Variants in GEN1 observed in about 807,000 individuals in gnomAD.
GEN1 encodes the protein flap endonuclease GEN homolog 1.
GEN1 carries 64 observed loss-of-function variants against 67.6 expected under a neutral mutation model. That is an observed-to-expected ratio of 0.95 (90% confidence interval 0.77 to 1.17). GEN1 has a LOEUF of 1.17. Ranked by LOEUF, GEN1 falls within the 50% of genes most tolerant of loss-of-function variation. The probability of loss-of-function intolerance (pLI) is 0.00; values close to 1 mark genes in which losing one functional copy is unlikely to be tolerated. For synonymous variants in GEN1, 371 were observed against 359.4 expected (o/e 1.03, Z -0.37); for missense variants, 1,058 against 1,048.3 (o/e 1.01, Z -0.13).
chr2:17,758,725 A>G (rs1208907201), intron 1 of GEN1, among the ~76,000 whole-genome samples: 1 of 152,150 alleles, frequency 6.6e-6, no homozygotes, highest in African/African-American at 2.4e-5. Context: ...GTGGTGGCTC[A>G]TGCCTGTAAT....
At position 17,780,028 on chromosome 2, in the gene GEN1, A is replaced by G. The variant is rs1672750674; in HGVS notation, c.1315A>G (p.Ile439Val). ...ACATGGAGAATTTGCTTTATTAACA[A>G]TTGAGGAAGAATCATTGTTTGAAGC... ...KQHGEFALLT[I>V]EEESLFEAAY... is the part of the protein sequence containing the mutation. The change falls in exon 13 of 14, where the codon ATT becomes GTT. Residue 439 changes from isoleucine to valine, a missense_variant. Physicochemically the swap from Ile to Val is conservative, Grantham distance 29. Coordinates refer to ENST00000381254, the MANE Select transcript of GEN1 (RefSeq NM_001130009.3). 6 of 1,603,638 alleles carry G rather than the reference A, an allele frequency of 3.7e-6. No homozygotes were observed. Among genetic ancestry groups the G allele is most frequent in the South Asian group, 2.2e-5 (2 of 90,840 alleles).
In GEN1 at chr2:17,761,959, A is replaced by G. The variant is rs373829570; in HGVS notation, c.348+377A>G. Among the ~76,000 whole-genome samples, 13 of 152,320 alleles carry G rather than the reference A, an allele frequency of 8.5e-5. No individual in the cohort carries two copies. In the South Asian group the frequency reaches 1.7e-3, roughly 19 times the overall value. ...AGGACTTAAAGAAGTCCCAGAATAC[A>G]TGAGATCTCATTAATTCGTACTTCA... On this transcript the variant is annotated intron_variant, in intron 3 of 13. Transcript: ENST00000381254.
At chr2:17,766,827 C>G (rs191359346) in intron 5 of GEN1, 138 bp downstream of exon 5, 20 of 535,346 alleles carry the variant, frequency 3.7e-5, no homozygotes, top group Middle Eastern at 3.5e-4. Context: ...ATAAGCTATT[C>G]AGTGACTAAA....
chr2:17,773,157 T>A (rs1672272331), intron 9 of GEN1, 25 bp downstream of exon 9: 1 of 1,561,882 alleles, frequency 6.4e-7, no homozygotes, highest in African/African-American at 1.4e-5. Flanking sequence ...TTCAACTCTA[T>A]TAATTTTAGA....
In GEN1 at chr2:17,778,350, G is replaced by A. The variant is rs367895732; in HGVS notation, c.1264+287G>A. On this transcript the variant is annotated intron_variant, in intron 12 of 13. Transcript: ENST00000381254. ...TGTACATATATGTATACACACACAT[G>A]TGTGTACATATATGTATATACACAC... is the stretch of plus-strand genomic sequence containing the variant. Among the ~76,000 whole-genome samples, 178 of 33,534 alleles carry A rather than the reference G, an allele frequency of 5.3e-3. 57 individuals are homozygous for A. Among genetic ancestry groups the A allele is most frequent in the Non-Finnish European group, 6.0e-3 (106 of 17,534 alleles). The allele number at this position is 33,534 out of a possible 152,430, so 22.0% of individuals were successfully genotyped here. A position where few individuals can be genotyped will look rare whatever the true frequency, so the allele number is the denominator to read the frequency against.
At position 17,772,697 on chromosome 2, in the gene GEN1, C is replaced by T; in HGVS notation, c.866C>T (p.Pro289Leu). Residue 289 changes from proline (P) to leucine (L), a missense_variant, in exon 8 of 14, where the codon CCA becomes CTA. Physicochemically the swap from Pro to Leu is moderately conservative, Grantham distance 98. Transcript: ENST00000381254. ...RLCKSDKYCE[P>L]HDYEYCCPCE... ...TGTAAAAGTGATAAATATTGTGAGC[C>T]ACATGACTATGAATACTGCTGTCCT... 1 of 1,612,242 alleles carries T rather than the reference C, an allele frequency of 6.2e-7. No homozygotes were observed. The highest frequency in any genetic ancestry group is 8.5e-7 in the Non-Finnish European group (1 of 1,178,760).
At position 17,769,332 on chromosome 2, in the gene GEN1, T is replaced by C. The variant is rs180941529; in HGVS notation, c.710+521T>C. On this transcript the variant is annotated intron_variant, in intron 6 of 13. Transcript: ENST00000381254. ...GGCTCAAGTGATCCCCCTGCCTTGG[T>C]TTCCCAAAGTGTTAGGATTACAGGC... Among the ~76,000 whole-genome samples the C allele has an allele frequency of 5.3e-5, 8 of 151,776 alleles. No homozygotes were observed. The East Asian group carries it at 1.5e-3, about 29-fold the overall frequency.
In GEN1 at chr2:17,770,960, TACAC is replaced by T. The variant is rs989869895; in HGVS notation, c.711-228_711-225del. The T allele has an allele frequency of 3.9e-5, 20 of 511,348 alleles. No homozygotes were observed. In the East Asian group the frequency reaches 8.5e-4, roughly 22 times the overall value. The allele number at this position is 511,348 out of a possible 1,614,324, so 31.7% of individuals were successfully genotyped here. On this transcript the variant is annotated intron_variant, in intron 6 of 13. Transcript: ENST00000381254. The stretch of plus-strand genomic sequence containing the variant: ...TTTAATAGAGATACCGATATATAGA[TACAC>T]ACACACATATACTCTCTCTCCTGTC...
chr2:17,764,059 T>C lies in GEN1; in HGVS notation c.349-838T>C, dbSNP rs988681133. ...TTACAAGAAAGAATGAACTAGGCTATAAGGCCAGACTACAAGCTACCCAGC... is the reference window on the plus strand; with the variant it reads ...TTACAAGAAAGAATGAACTAGGCTACAAGGCCAGACTACAAGCTACCCAGC... On this transcript the variant is annotated intron_variant, in intron 3 of 13. Transcript: ENST00000381254. 3.3e-5 allele frequency among the ~76,000 whole-genome samples: 5 copies of C among 152,202 alleles called. No homozygotes were observed. In the South Asian group the frequency reaches 8.3e-4, roughly 25 times the overall value.
intron 7 of GEN1, 140 bp from the exon 8 acceptor site, chr2:17,772,494 G>A: frequency 3.5e-6 from 2 of 575,390 alleles, no homozygotes; most frequent in East Asian, 5.7e-5. Context: ...CATCCTAAAT[G>A]TATTGAAACC....
In GEN1 at chr2:17,778,272, ATATGTATATACACACACATG is replaced by A. The variant is rs1558409021; in HGVS notation, c.1264+211_1264+230del. 4.7e-4 allele frequency among the ~76,000 whole-genome samples: 41 copies of A among 86,634 alleles called. 12 individuals are homozygous for A. The highest frequency in any genetic ancestry group is 1.7e-3 in the Admixed American group (14 of 8,252). The allele number at this position is 86,634 out of a possible 152,430, so 56.8% of individuals were successfully genotyped here. A position where few individuals can be genotyped will look rare whatever the true frequency, so the allele number is the denominator to read the frequency against. On this transcript the variant is annotated intron_variant, in intron 12 of 13. Transcript: ENST00000381254. ...TGTATACACACATATGTGTGTACAT[ATATGTATATACACACACATG>A]TGTGTGTACATATATGTATATACAC...
At chr2:17,775,007 G>C (rs1473813363) in intron 11 of GEN1, among the ~76,000 whole-genome samples, 1 of 152,190 alleles carries the variant, frequency 6.6e-6, no homozygotes, top group East Asian at 1.9e-4. Context: ...TAAAAGAATT[G>C]AAGAAGAAAG....
In GEN1 at chr2:17,778,370, A is replaced by G. The variant is rs1319291120; in HGVS notation, c.1264+307A>G. 1.7e-4 allele frequency among the ~76,000 whole-genome samples: 7 copies of G among 41,700 alleles called. 1 individual carries two copies. Among genetic ancestry groups the G allele is most frequent in the African/African-American group, 5.7e-4 (6 of 10,486 alleles). 27.4% of individuals were successfully genotyped at this position (41,700 alleles called of 152,430 possible). A position where few individuals can be genotyped will look rare whatever the true frequency, so the allele number is the denominator to read the frequency against. On this transcript the variant is annotated intron_variant, in intron 12 of 13. Transcript: ENST00000381254. ...CACATGTGTGTACATATATGTATAT[A>G]CACACACATATATGTGTGTACATAT...
At chr2:17,772,974 T>C (rs527748698) in intron 8 of GEN1, 122 bp from the exon 9 acceptor site, 3 of 814,596 alleles carry the variant, frequency 3.7e-6, no homozygotes, top group East Asian at 5.3e-5. Flanking sequence ...AAAGGGAAGC[T>C]TGACTGTTTG....
chr2:17,768,675 A>G, intron 5 of GEN1, 63 bp from the exon 6 acceptor site: 1 of 950,988 alleles, frequency 1.1e-6, no homozygotes, highest in East Asian at 2.6e-5. Context: ...CGTTCAATTA[A>G]TATACTTTTA....
chr2:17,773,365 C>T (rs1412050395), intron 10 of GEN1, 66 bp downstream of exon 10: 6 of 973,502 alleles, frequency 6.2e-6, no homozygotes, highest in Non-Finnish European at 9.4e-6. Context: ...AACAGATATT[C>T]ACTCTGATTG....
In GEN1 at chr2:17,785,040, G is replaced by T. The variant is rs1673010897; in HGVS notation, c.*3101G>T. 6.6e-6 allele frequency: 1 copy of T among 152,152 alleles called. No individual in the cohort carries two copies. The highest frequency in any genetic ancestry group is 2.4e-5 in the African/African-American group (1 of 41,422). 9.4% of individuals were successfully genotyped at this position (152,152 alleles called of 1,614,324 possible). A position where few individuals can be genotyped will look rare whatever the true frequency, so the allele number is the denominator to read the frequency against. ...GCGGTGGCATTAGAGTCTCATAGGA[G>T]CATGAACCCTATTGTGAACTACGCA... On this transcript the variant is annotated 3_prime_UTR_variant, in exon 14 of 14. Coordinates refer to ENST00000381254, the MANE Select transcript of GEN1 (RefSeq NM_001130009.3).
At chr2:17,757,970 C>G (rs1393323789) in intron 1 of GEN1, among the ~76,000 whole-genome samples, 1 of 152,186 alleles carries the variant, frequency 6.6e-6, no homozygotes, top group Non-Finnish European at 1.5e-5. Context: ...GAACTGTAAT[C>G]ATCCCTAACA....
In GEN1 at chr2:17,754,297, T is replaced by G. The variant is rs1265678037; in HGVS notation, c.-64T>G. Reference sequence around the variant, plus strand: ...GTAGTTAGGATTCAGGCCAAACTGGTAAATGACGAAGGGGCTTCTTCCAGA... The same window carrying G: ...GTAGTTAGGATTCAGGCCAAACTGGGAAATGACGAAGGGGCTTCTTCCAGA... On this transcript the variant is annotated 5_prime_UTR_variant, in exon 1 of 14. Transcript: ENST00000381254. The G allele has an allele frequency of 6.6e-6, 1 of 151,622 alleles. No homozygotes were observed. Among genetic ancestry groups the G allele is most frequent in the Non-Finnish European group, 1.5e-5 (1 of 67,940 alleles). The allele number at this position is 151,622 out of a possible 1,614,324, so 9.4% of individuals were successfully genotyped here. A position where few individuals can be genotyped will look rare whatever the true frequency, so the allele number is the denominator to read the frequency against.
Sources: gnomAD v4.1 joint callset for allele counts (sites outside exome capture counted in the v4.1 genomes callset) on GRCh38, gnomAD v4.1.1 for gene constraint, MANE v1.5 for transcripts, NCBI Gene and HGNC (gene_info 2026-07-23, HGNC 2026-07-21) for gene names.